AP3S2: variants seen among roughly 807,000 people sequenced by gnomAD.
AP3S2 encodes the protein AP-3 complex subunit sigma-2.
In AP3S2, 22 loss-of-function variants were observed where a neutral mutation model predicts 23.4. The observed-to-expected ratio is 0.94, with a 90% confidence interval of 0.67 to 1.34. The LOEUF (loss-of-function observed/expected upper bound fraction) is 1.34. Among genes scored for constraint, AP3S2 ranks in the 40% most tolerant of loss-of-function variants. The pLI is 0.00. For synonymous variants in AP3S2, 86 were observed against 87.1 expected (o/e 0.99, Z 0.07); for missense variants, 241 against 236.9 (o/e 1.02, Z -0.11).
intron 2 of AP3S2, 87 bp downstream of exon 2, chr15:89,888,962 C>G: frequency 2.0e-6 from 3 of 1,508,116 alleles, no homozygotes; most frequent in Non-Finnish European, 2.7e-6. Flanking sequence ...AAGTACCCAC[C>G]TGACACTTGA....
At chr15:89,890,757 T>C (rs1172491730) in intron 1 of AP3S2, among the ~76,000 whole-genome samples, 2 of 152,202 alleles carry the variant, frequency 1.3e-5, no homozygotes, top group Non-Finnish European at 2.9e-5. Context: ...CCTTTCTTTC[T>C]ATAGCCCTGA....
At chr15:89,854,468 G>A (rs1468537002) in intron 4 of AP3S2, among the ~76,000 whole-genome samples, 1 of 55,344 alleles carries the variant, frequency 1.8e-5, no homozygotes, top group African/African-American at 7.1e-5. Flanking sequence ...CGCCCCTACT[G>A]GGAAGTGAGG....
intron 4 of AP3S2, among the ~76,000 whole-genome samples, chr15:89,846,590 G>A (rs7176255): frequency 0.28 from 42,569 of 151,018 alleles, 6,570 homozygotes; most frequent in East Asian, 0.61. Context: ...GCAGTGGTGC[G>A]ATCTCGGCTC....
At chr15:89,837,955 G>A (rs149950402) in intron 4 of AP3S2, 215 of 454,020 alleles carry the variant, frequency 4.7e-4, no homozygotes, top group Admixed American at 2.6e-3. Context: ...ATGAGCACAG[G>A]CTTCAAAGTC....
intron 4 of AP3S2, among the ~76,000 whole-genome samples, chr15:89,858,498 AGAGAGAG>A (rs1895908850): frequency 1.6e-4 from 9 of 55,962 alleles, no homozygotes; most frequent in African/African-American, 5.5e-4. Flanking sequence ...AAAGAAAGAG[AGAGAGAG>A]AGAGAGAGAG....
chr15:89,850,897 T>A (rs1287278383), intron 4 of AP3S2, among the ~76,000 whole-genome samples: 1 of 152,094 alleles, frequency 6.6e-6, no homozygotes, highest in Non-Finnish European at 1.5e-5. Context: ...GTATTTTTTG[T>A]AGAGACAGGG....
Position 89,833,990 on chromosome 15 carries a change from G to A in AP3S2, c.*1525C>T, listed in dbSNP as rs1895134885. The A allele has an allele frequency of 6.6e-6, 1 of 152,290 alleles. No individual in the cohort carries two copies. Among genetic ancestry groups the A allele is most frequent in the Non-Finnish European group, 1.5e-5 (1 of 68,062 alleles). The allele number at this position is 152,290 out of a possible 1,614,324, so 9.4% of individuals were successfully genotyped here. On this transcript the variant is annotated 3_prime_UTR_variant, in exon 6 of 6. Transcript: ENST00000336418. Reference sequence around the variant, plus strand: ...TACTGCGAAGCAGCCCTCATCTTAAGGTGGCTCAACACCACACCTGAGATC... The same window carrying A: ...TACTGCGAAGCAGCCCTCATCTTAAAGTGGCTCAACACCACACCTGAGATC...
At chr15:89,887,533 G>A (rs1896728606) in intron 3 of AP3S2, among the ~76,000 whole-genome samples, 2 of 151,684 alleles carry the variant, frequency 1.3e-5, no homozygotes, top group African/African-American at 2.4e-5. Flanking sequence ...CACTACGCCC[G>A]GCTAATTCTT....
In AP3S2 at chr15:89,893,807, C is replaced by A. The variant is rs1596227856; in HGVS notation, c.69+74G>T. ...GTGACCAAAGAGCGGTGCCCCCGGG[C>A]GCCGAGAGGCCAAAGAGGAGGGAAG... is the stretch of plus-strand genomic sequence containing the variant. On this transcript the variant is annotated intron_variant, in intron 1 of 5. Coordinates refer to ENST00000336418, the MANE Select transcript of AP3S2 (RefSeq NM_005829.5). 14 of 1,461,884 alleles carry A rather than the reference C, an allele frequency of 9.6e-6. No homozygotes were observed. In the East Asian group the frequency reaches 2.7e-4, roughly 28 times the overall value. The allele number at this position is 1,461,884 out of a possible 1,614,324, so 90.6% of individuals were successfully genotyped here. A position where few individuals can be genotyped will look rare whatever the true frequency, so the allele number is the denominator to read the frequency against.
At chr15:89,855,065 A>G (rs1199139609) in intron 4 of AP3S2, among the ~76,000 whole-genome samples, 6 of 139,342 alleles carry the variant, frequency 4.3e-5, no homozygotes, top group Admixed American at 2.3e-4. Context: ...GATGACAATG[A>G]CGGCTTTGTG....
intron 4 of AP3S2, among the ~76,000 whole-genome samples, chr15:89,856,347 G>C (rs990831017): frequency 6.6e-6 from 1 of 152,150 alleles, no homozygotes; most frequent in East Asian, 1.9e-4. Context: ...TGGATCACTC[G>C]AGGTCAGGAA....
intron 1 of AP3S2, 128 bp downstream of exon 1, chr15:89,893,753 G>C: frequency 1.1e-6 from 1 of 870,962 alleles, no homozygotes; most frequent in Non-Finnish European, 1.8e-6. Flanking sequence ...TAAGTAGGGC[G>C]AGGGTCATGC....
chr15:89,875,690 TGTAGTCTCA>T (rs1896426742), intron 3 of AP3S2, among the ~76,000 whole-genome samples: 1 of 152,224 alleles, frequency 6.6e-6, no homozygotes, highest in Admixed American at 6.5e-5. Flanking sequence ...GACTCACGTC[TGTAGTCTCA>T]GTACTTCGGA....
chr15:89,853,985 C>G (rs1208857816), intron 4 of AP3S2, among the ~76,000 whole-genome samples: 1 of 49,212 alleles, frequency 2.0e-5, no homozygotes, highest in African/African-American at 7.4e-5. Context: ...AGGAGCGTCT[C>G]CGCCCGGCAG....
chr15:89,853,708 G>A (rs1255259186), intron 4 of AP3S2, among the ~76,000 whole-genome samples: 3 of 132,368 alleles, frequency 2.3e-5, no homozygotes, highest in South Asian at 2.7e-4. Flanking sequence ...AGTGAGGAGC[G>A]TCTCTGCCCG....
At chr15:89,862,374 T>G (rs1348274515) in intron 4 of AP3S2, among the ~76,000 whole-genome samples, 1 of 152,198 alleles carries the variant, frequency 6.6e-6, no homozygotes, top group African/African-American at 2.4e-5. Context: ...TTGTGCATCA[T>G]TAGAGAATTA....
At chr15:89,888,923 A>T (rs1384975566) in intron 2 of AP3S2, 126 bp downstream of exon 2, 2 of 1,094,838 alleles carry the variant, frequency 1.8e-6, no homozygotes, top group African/African-American at 3.1e-5. Flanking sequence ...CCCTGAGCAG[A>T]TCATGGTGAG....
intron 4 of AP3S2, among the ~76,000 whole-genome samples, chr15:89,866,793 G>A (rs964476507): frequency 3.3e-5 from 5 of 150,368 alleles, no homozygotes; most frequent in Non-Finnish European, 7.4e-5. Flanking sequence ...TAAGCAGCTG[G>A]CACACAAATA....
intron 4 of AP3S2, among the ~76,000 whole-genome samples, chr15:89,861,776 C>G (rs1005216013): frequency 2.6e-5 from 4 of 151,754 alleles, no homozygotes; most frequent in Admixed American, 1.3e-4. Context: ...GGCAGTCTAA[C>G]CAAGCAGGGA....
Sources: gnomAD v4.1 joint callset for allele counts (sites outside exome capture counted in the v4.1 genomes callset) on GRCh38, gnomAD v4.1.1 for gene constraint, MANE v1.5 for transcripts, NCBI Gene and HGNC (gene_info 2026-07-23, HGNC 2026-07-21) for gene names.